The following PTGIS variants were observed in gnomAD, a reference collection of about 807,000 sequenced individuals.
PTGIS encodes the protein prostaglandin I2 synthase, also known as prostacyclin synthase.
In PTGIS, 45 loss-of-function variants were observed where a neutral mutation model predicts 50.3. The observed-to-expected ratio is 0.90, with a 90% CI of 0.70 to 1.15. PTGIS has a LOEUF of 1.15. Ranked by LOEUF, PTGIS falls within the 50% of genes most tolerant of loss-of-function variation. The pLI, the probability that PTGIS is intolerant of heterozygous loss-of-function variation, is 0.00. For synonymous variants in PTGIS, 260 were observed against 267.7 expected (o/e 0.97, Z 0.28); for missense variants, 668 against 661.3 (o/e 1.01, Z -0.11).
intron 3 of PTGIS, among the ~76,000 whole-genome samples, chr20:49,544,748 G>T (rs1982315710): frequency 6.6e-6 from 1 of 152,154 alleles, no homozygotes; most frequent in Non-Finnish European, 1.5e-5. Flanking sequence ...AAAGTGACTT[G>T]CCCAAGGTCA....
Position 49,544,317 on chromosome 20 carries a change from C to A in PTGIS, c.509G>T (p.Ser170Ile). ...TGCACAGCCTCACCTGAGCAGGAAGCTGTAGGAGAAGTCGAGGAGACCCAT... is the reference window on the plus strand; with the variant it reads ...TGCACAGCCTCACCTGAGCAGGAAGATGTAGGAGAAGTCGAGGAGACCCAT... Reference protein sequence around the residue: ...HEMGLLDFSYSFLLRAGYLTL... With the variant: ...HEMGLLDFSYIFLLRAGYLTL... The change falls in exon 4 of 10, where the codon AGC becomes ATC. Residue 170 changes from serine to isoleucine, a missense_variant. Physicochemically the swap from Ser to Ile is moderately radical, Grantham distance 142. Coordinates refer to ENST00000244043, the MANE Select transcript of PTGIS (RefSeq NM_000961.4). 6.2e-7 allele frequency: 1 copy of A among 1,614,162 alleles called. No individual in the cohort carries two copies. The highest frequency in any genetic ancestry group is 8.5e-7 in the Non-Finnish European group (1 of 1,180,028).
At chr20:49,545,945 C>T (rs552613502) in intron 3 of PTGIS, among the ~76,000 whole-genome samples, 39 of 151,970 alleles carry the variant, frequency 2.6e-4, no homozygotes, top group Admixed American at 1.7e-3. Flanking sequence ...TTGCACAGGG[C>T]GTCCATGAAC....
intron 1 of PTGIS, among the ~76,000 whole-genome samples, chr20:49,552,716 C>T (rs908073993): frequency 1.3e-5 from 2 of 152,122 alleles, no homozygotes; most frequent in African/African-American, 4.8e-5. Flanking sequence ...AACTTAACAG[C>T]ACCAGGACTT....
intron 5 of PTGIS, among the ~76,000 whole-genome samples, chr20:49,531,552 C>CA (rs905081015): frequency 6.6e-6 from 1 of 152,162 alleles, no homozygotes; most frequent in African/African-American, 2.4e-5. Flanking sequence ...CAAAAAAAGA[C>CA]AAAATTTTAA....
At chr20:49,511,582 T>C (rs11696747) in intron 8 of PTGIS, among the ~76,000 whole-genome samples, 33,134 of 152,102 alleles carry the variant, frequency 0.22, 3,854 homozygotes, top group Middle Eastern at 0.33. Context: ...TACATTTAAG[T>C]ATATATTTCT....
Position 49,543,573 on chromosome 20 carries a change from C to T in PTGIS, c.521+732G>A, listed in dbSNP as rs560672499. 3.3e-5 allele frequency among the ~76,000 whole-genome samples: 5 copies of T among 152,290 alleles called. No homozygotes were observed. The East Asian group carries it at 5.8e-4, about 18-fold the overall frequency. On this transcript the variant is annotated intron_variant, in intron 4 of 9. Transcript: ENST00000244043. Reference sequence around the variant, plus strand: ...CTCTTTATGCTGTAGCCACACTGGCCGTCTCTCTGAGCTTCCTCCCACCTC... The same window carrying T: ...CTCTTTATGCTGTAGCCACACTGGCTGTCTCTCTGAGCTTCCTCCCACCTC...
chr20:49,557,522 G>A (rs1169541835), intron 1 of PTGIS, among the ~76,000 whole-genome samples: 1 of 151,696 alleles, frequency 6.6e-6, no homozygotes, highest in Non-Finnish European at 1.5e-5. Context: ...AGTCTGGAAG[G>A]TTGAGGCTGC....
intron 1 of PTGIS, among the ~76,000 whole-genome samples, chr20:49,561,146 T>C (rs976302149): frequency 2.6e-5 from 4 of 152,102 alleles, no homozygotes. Flanking sequence ...TCTTCCTCCT[T>C]TCCCCCTCCC....
chr20:49,552,894 T>G (rs1982547366), intron 1 of PTGIS, among the ~76,000 whole-genome samples: 1 of 152,072 alleles, frequency 6.6e-6, no homozygotes, highest in South Asian at 2.1e-4. Context: ...TCAGATCTAC[T>G]GCTGCCTGTC....
rs1223755859 is a variant in PTGIS at position 49,540,557 on chromosome 20, G to T, written c.522-836C>A. On this transcript the variant is annotated intron_variant, in intron 4 of 9. Transcript: ENST00000244043. This position sits in a 1 kb window ranked among gnomAD's most constrained non-coding sequence, Gnocchi z 4.8. ...GTGAGAAGGTTGTGCTTGATCTGAG[G>T]GGCTCTGGGAGGCCCGAGAAGGAGG... 6.6e-6 allele frequency among the ~76,000 whole-genome samples: 1 copy of T among 152,124 alleles called. No homozygotes were observed. Among genetic ancestry groups the T allele is most frequent in the Non-Finnish European group, 1.5e-5 (1 of 68,010 alleles).
intron 1 of PTGIS, among the ~76,000 whole-genome samples, chr20:49,553,809 T>G (rs934793743): frequency 2.6e-5 from 4 of 151,928 alleles, no homozygotes; most frequent in African/African-American, 9.7e-5. Flanking sequence ...CCCGTAAAAA[T>G]TTTTTGTCCT....
Position 49,516,441 on chromosome 20 carries a change from A to G in PTGIS, c.856-2046T>C, listed in dbSNP as rs78153761. ...AAGCATGCACCACCATGCCCGGCTAATCTTTCTATTTTTTGTAAAGATGAG... is the reference window on the plus strand; with the variant it reads ...AAGCATGCACCACCATGCCCGGCTAGTCTTTCTATTTTTTGTAAAGATGAG... On this transcript the variant is annotated intron_variant, in intron 6 of 9. Transcript: ENST00000244043. Among the ~76,000 whole-genome samples, 1,219 of 151,976 alleles carry G rather than the reference A, an allele frequency of 8.0e-3. 21 individuals are homozygous for G. The highest frequency in any genetic ancestry group is 0.028 in the African/African-American group (1,158 of 41,450).
intron 5 of PTGIS, among the ~76,000 whole-genome samples, chr20:49,535,590 T>C (rs1338552051): frequency 1.3e-5 from 2 of 152,218 alleles, no homozygotes; most frequent in African/African-American, 2.4e-5. Context: ...CTTGGCTCAC[T>C]GTAACCTCTG....
chr20:49,524,299 G>T, intron 5 of PTGIS, 60 bp from the exon 6 acceptor site: 2 of 1,583,856 alleles, frequency 1.3e-6, no homozygotes. Flanking sequence ...ACCCAGGGCT[G>T]GCCAGGCATG....
In PTGIS at chr20:49,513,245, C is replaced by G; in HGVS notation, c.1041G>C (p.Glu347Asp). 1.2e-6 allele frequency: 2 copies of G among 1,613,718 alleles called. No individual in the cohort carries two copies. The highest frequency in any genetic ancestry group is 1.3e-5 in the African/African-American group (1 of 75,008). ...AGGGGGCAGCTGTAAGCCTGAGGCT[C>G]TCACTCAGCACGCTATCTGCATGGG... ...STPVLDSVLS[E>D]SLRLTAAPFI... The change falls in exon 8 of 10, where the codon GAG (glutamate) becomes GAC (aspartate). Residue 347 changes from glutamate (E) to aspartate (D), a missense_variant. By Grantham distance (45) the Glu-to-Asp change is conservative. Coordinates refer to ENST00000244043, the MANE Select transcript of PTGIS (RefSeq NM_000961.4).
intron 5 of PTGIS, among the ~76,000 whole-genome samples, chr20:49,534,720 A>T (rs1182757797): frequency 6.6e-6 from 1 of 152,240 alleles, no homozygotes; most frequent in Non-Finnish European, 1.5e-5. Context: ...TGGGTATGTG[A>T]ATAACAACCT....
At chr20:49,556,823 C>G (rs751453630) in intron 1 of PTGIS, among the ~76,000 whole-genome samples, 1 of 151,714 alleles carries the variant, frequency 6.6e-6, no homozygotes, top group Non-Finnish European at 1.5e-5. Flanking sequence ...TCTAAAAATT[C>G]TCCTGGCTCC....
intron 4 of PTGIS, among the ~76,000 whole-genome samples, chr20:49,543,138 G>A (rs1229846580): frequency 1.3e-5 from 2 of 151,950 alleles, no homozygotes; most frequent in Admixed American, 6.6e-5. Flanking sequence ...AAATCAGGGA[G>A]CTGTCCTTAA....
chr20:49,552,807 A>G (rs1478416830), intron 1 of PTGIS, among the ~76,000 whole-genome samples: 1 of 152,192 alleles, frequency 6.6e-6, no homozygotes, highest in East Asian at 1.9e-4. Flanking sequence ...GCAAATAAAA[A>G]CATAAAACAA....
Sources: gnomAD v4.1 joint callset for allele counts (sites outside exome capture counted in the v4.1 genomes callset) on GRCh38, gnomAD v4.1.1 for gene constraint, Gnocchi (gnomAD v3.1) non-coding constraint, MANE v1.5 for transcripts, NCBI Gene and HGNC (gene_info 2026-07-23, HGNC 2026-07-21) for gene names.